The following NEBL variants were observed in gnomAD, a reference collection of about 807,000 sequenced individuals.
The protein encoded by NEBL is LIM and SH3 protein 2.
NEBL carries 122 observed loss-of-function variants against 140.2 expected under a neutral mutation model. The observed-to-expected ratio is 0.87, with a 90% CI of 0.75 to 1.01. The LOEUF (loss-of-function observed/expected upper bound fraction) is 1.01, where lower values mean the gene tolerates loss of function less well. Ranked by LOEUF, NEBL falls within the 50% of genes least tolerant of loss-of-function variation. NEBL has a pLI of 0.00. For missense variants in NEBL, 1,365 were observed against 1,231.3 expected (o/e 1.11, Z -1.62); for synonymous variants, 436 against 398.9 (o/e 1.09, Z -1.11).
Position 21,269,131 on chromosome 10 carries a change from T to G in NEBL, n.183-17303A>C, listed in dbSNP as rs75671474. Reference sequence around the variant, plus strand: ...GGCACAACAGAGCAATGGAAGACACTTGTCCCATCTTCTCCCATTGTGGCT... The same window carrying G: ...GGCACAACAGAGCAATGGAAGACACGTGTCCCATCTTCTCCCATTGTGGCT... On this transcript the variant is annotated intron_variant and non_coding_transcript_variant, in intron 1 of 8. Transcript: ENST00000675702. Among the ~76,000 whole-genome samples, 201 of 152,312 alleles carry G rather than the reference T, an allele frequency of 1.3e-3. 1 individual carries two copies. The highest frequency in any genetic ancestry group is 4.5e-3 in the African/African-American group (188 of 41,574).
intron 3 of NEBL, among the ~76,000 whole-genome samples, chr10:21,228,906 G>A (rs957016195): frequency 3.3e-5 from 5 of 152,102 alleles, no homozygotes; most frequent in Non-Finnish European, 7.3e-5. Flanking sequence ...AGTAGCCCAT[G>A]GGTTGAGGTG....
chr10:21,165,734 C>T (rs1000062087), intron 2 of NEBL, among the ~76,000 whole-genome samples: 1 of 152,088 alleles, frequency 6.6e-6, no homozygotes, highest in Admixed American at 6.6e-5. Flanking sequence ...GGTGTGGGCT[C>T]TTACTGCTGA....
intron 2 of NEBL, chr10:21,020,330 C>G (rs1838737051): frequency 6.6e-6 from 5 of 762,222 alleles, no homozygotes; most frequent in Non-Finnish European, 1.1e-5. Context: ...CTGAGCTTGG[C>G]TAAGGTCATC....
intron 1 of NEBL, among the ~76,000 whole-genome samples, chr10:21,252,998 A>G (rs1236142282): frequency 6.6e-6 from 1 of 152,152 alleles, no homozygotes; most frequent in Non-Finnish European, 1.5e-5. Flanking sequence ...ATGGCTGCTA[A>G]CGCCTGTAAT....
At chr10:21,032,190 C>T (rs1833828427) in intron 2 of NEBL, among the ~76,000 whole-genome samples, 1 of 152,130 alleles carries the variant, frequency 6.6e-6, no homozygotes, top group African/African-American at 2.4e-5. Flanking sequence ...CCACAGATTT[C>T]CCATTTGAGC....
At chr10:21,166,199 G>C (rs1840754869) in intron 2 of NEBL, among the ~76,000 whole-genome samples, 1 of 115,622 alleles carries the variant, frequency 8.6e-6, no homozygotes, top group South Asian at 2.9e-4. Flanking sequence ...CAGCCTGGGC[G>C]ACAGAGCGAG....
chr10:20,904,260 T>G (rs1391602697), intron 4 of NEBL, among the ~76,000 whole-genome samples: 2 of 152,136 alleles, frequency 1.3e-5, no homozygotes, highest in African/African-American at 4.8e-5. Context: ...GACAGACCCT[T>G]TTTGCACCTA....
intron 3 of NEBL, among the ~76,000 whole-genome samples, chr10:21,212,312 C>A (rs1841931187): frequency 1.3e-5 from 2 of 152,120 alleles, no homozygotes; most frequent in South Asian, 4.1e-4. Context: ...TCTTTTTAAT[C>A]TTTCAGGAAA....
At chr10:20,882,718 A>G (rs1002878046) in intron 4 of NEBL, among the ~76,000 whole-genome samples, 11 of 152,020 alleles carry the variant, frequency 7.2e-5, no homozygotes, top group African/African-American at 2.7e-4. Context: ...TTACAACTAA[A>G]GTCATTGAAT....
At chr10:21,059,702 TCAA>T (rs1335445160) in intron 2 of NEBL, among the ~76,000 whole-genome samples, 2 of 152,252 alleles carry the variant, frequency 1.3e-5, no homozygotes, top group African/African-American at 4.8e-5. Context: ...TTCCATTGTC[TCAA>T]CTTTTTTCAG....
chr10:20,813,894 G>A (rs192147583), intron 23 of NEBL, 45 bp downstream of exon 23: 69 of 1,222,014 alleles, frequency 5.6e-5, no homozygotes, highest in Middle Eastern at 1.9e-4. Context: ...CACTGGATCC[G>A]CCCATTCCTT....
At chr10:20,924,267 C>T (rs1303916777) in intron 4 of NEBL, among the ~76,000 whole-genome samples, 4 of 151,736 alleles carry the variant, frequency 2.6e-5, no homozygotes, top group Non-Finnish European at 5.9e-5. Context: ...TCAATAATGC[C>T]AGGATTGAGA....
intron 24 of NEBL, among the ~76,000 whole-genome samples, chr10:20,810,138 T>C (rs1051493744): frequency 6.6e-6 from 1 of 152,242 alleles, no homozygotes; most frequent in East Asian, 1.9e-4. Context: ...GCCTGCTCTA[T>C]TCATTGAGCT....
rs71535729 is a variant in NEBL at position 20,831,166 on chromosome 10, C to T, written c.1671+30G>A. ...CATGGCAACATGACATTGGAATACA[C>T]GATTCTGAGCATCTTCATTCATGAC... On this transcript the variant is annotated intron_variant, in intron 16 of 27. Transcript: ENST00000377122. 3.5e-4 allele frequency: 503 copies of T among 1,450,168 alleles called. 1 individual carries two copies. Among genetic ancestry groups the T allele is most frequent in the African/African-American group, 2.4e-3 (173 of 71,544 alleles). The allele number at this position is 1,450,168 out of a possible 1,614,324, so 89.8% of individuals were successfully genotyped here.
At chr10:20,852,981 T>G (rs998407855) in intron 9 of NEBL, among the ~76,000 whole-genome samples, 1 of 152,014 alleles carries the variant, frequency 6.6e-6, no homozygotes, top group Admixed American at 6.6e-5. Context: ...TGGGGAAAAA[T>G]AAAAGCAATT....
chr10:20,977,872 G>A (rs563786273), intron 3 of NEBL, among the ~76,000 whole-genome samples: 5 of 152,180 alleles, frequency 3.3e-5, no homozygotes, highest in Middle Eastern at 3.4e-3. Context: ...ATACAGCCCC[G>A]GTTTTATCTG....
intron 3 of NEBL, among the ~76,000 whole-genome samples, chr10:21,200,435 T>C (rs1420035169): frequency 1.4e-5 from 2 of 145,068 alleles, no homozygotes; most frequent in Non-Finnish European, 3.0e-5. Context: ...TGTCTCAGCC[T>C]CCTGAGTAGC....
intron 4 of NEBL, among the ~76,000 whole-genome samples, chr10:20,916,079 A>C (rs10159961): frequency 0.68 from 103,121 of 152,020 alleles, 35,357 homozygotes; most frequent in Admixed American, 0.75. Flanking sequence ...TCTTTTATTT[A>C]CTAGATGAGA....
chr10:20,958,011 C>G (rs891019588), intron 4 of NEBL, among the ~76,000 whole-genome samples: 2 of 152,156 alleles, frequency 1.3e-5, no homozygotes, highest in African/African-American at 4.8e-5. Context: ...TAGCCTGAGT[C>G]CCTTGAATGT....
Sources: allele counts gnomAD v4.1 joint callset (sites outside exome capture counted in the v4.1 genomes callset), GRCh38; gene constraint gnomAD v4.1.1; transcripts MANE v1.5; gene names NCBI Gene and HGNC (gene_info 2026-07-23, HGNC 2026-07-21).